Variants in CPS1 observed in about 807,000 individuals in gnomAD.
CPS1 encodes carbamoyl-phosphate synthase [ammonia], mitochondrial.
CPS1 carries 109 observed loss-of-function variants against 174.6 expected under a neutral mutation model. That is an observed-to-expected ratio of 0.62 (90% CI 0.53 to 0.73). The LOEUF is 0.73. Ranked by LOEUF, CPS1 falls within the 30% of genes least tolerant of loss-of-function variation. CPS1 has a pLI of 0.00. For synonymous variants in CPS1, 637 were observed against 632.0 expected (o/e 1.01, Z -0.12); for missense variants, 1,689 against 1,821.9 (o/e 0.93, Z 1.33).
At chr2:210,537,062 C>A (rs1293841096) in intron 1 of CPS1, among the ~76,000 whole-genome samples, 1 of 152,102 alleles carries the variant, frequency 6.6e-6, no homozygotes, top group Non-Finnish European at 1.5e-5. Context: ...ATACCAGATG[C>A]ATTTAAATAG....
At chr2:210,580,572 C>T (rs1351253179) in intron 5 of CPS1, among the ~76,000 whole-genome samples, 2 of 151,884 alleles carry the variant, frequency 1.3e-5, no homozygotes, top group Non-Finnish European at 2.9e-5. Context: ...TTTGAAACTA[C>T]ACATGTGGGC....
rs939029876 is a variant in CPS1, at chr2:210,518,717, A to AT, written c.4-37993dup. Among the ~76,000 whole-genome samples the AT allele has an allele frequency of 4.9e-3, 735 of 151,444 alleles. 3 individuals carry two copies. The highest frequency in any genetic ancestry group is 0.016 in the African/African-American group (681 of 41,312). ...GTTTCTAACTTATTAAGCTTCGGCT[A>AT]TTTTTTTTTCTGAACTAAATTCTCT... On this transcript the variant is annotated intron_variant, in intron 1 of 38. Coordinates refer to the CPS1 transcript ENST00000430249.
chr2:210,641,575 G>A (rs1486858675), intron 24 of CPS1, among the ~76,000 whole-genome samples: 1 of 152,192 alleles, frequency 6.6e-6, no homozygotes, highest in African/African-American at 2.4e-5. Flanking sequence ...GGCCATGGCA[G>A]TTATCTTATG....
At chr2:210,568,209 C>T (rs1343186293) in intron 1 of CPS1, among the ~76,000 whole-genome samples, 1 of 152,032 alleles carries the variant, frequency 6.6e-6, no homozygotes, top group Non-Finnish European at 1.5e-5. Flanking sequence ...TAGTACACAC[C>T]ATGGGTACTA....
intron 1 of CPS1, among the ~76,000 whole-genome samples, chr2:210,487,117 G>C (rs1037222996): frequency 6.6e-6 from 1 of 152,144 alleles, no homozygotes; most frequent in African/African-American, 2.4e-5. Context: ...TGGAAATGAA[G>C]TATAACTCAA....
rs149279523 is a variant in CPS1, at chr2:210,590,276, G to C, written c.840+42G>C. The C allele has an allele frequency of 6.6e-4, 1,066 of 1,611,446 alleles. 10 individuals carry two copies. The African/African-American group carries it at 0.013, about 19-fold the overall frequency. ...ATTCATGTGTATCTGTGTGGGAGGT[G>C]GGGGCTTCCGCTCTATACCCTCAAA... On this transcript the variant is annotated intron_variant, in intron 8 of 37. Coordinates refer to ENST00000233072, the MANE Select transcript of CPS1 (RefSeq NM_001875.5).
chr2:210,599,316 G>T, intron 13 of CPS1, 56 bp from the exon 14 acceptor site: 1 of 1,527,016 alleles, frequency 6.5e-7, no homozygotes, highest in East Asian at 2.3e-5. Context: ...TTTAAGTGTG[G>T]TCATTCTCTT....
chr2:210,481,651 G>T (rs1023954963), intron 1 of CPS1, among the ~76,000 whole-genome samples: 2 of 152,218 alleles, frequency 1.3e-5, no homozygotes, highest in African/African-American at 4.8e-5. Context: ...CACACAGCAG[G>T]TGCTCTTCAG....
At chr2:210,536,188 A>G (rs1391872916) in intron 1 of CPS1, among the ~76,000 whole-genome samples, 1 of 152,164 alleles carries the variant, frequency 6.6e-6, no homozygotes, top group Non-Finnish European at 1.5e-5. Flanking sequence ...GACTTTATGT[A>G]TACACAATTT....
At chr2:210,612,315 A>T (rs746548277) in intron 20 of CPS1, 22 bp downstream of exon 20, 7 of 1,610,896 alleles carry the variant, frequency 4.3e-6, no homozygotes, top group Non-Finnish European at 5.9e-6. Context: ...CAAGGGGCCC[A>T]CAGCTACTAG....
At chr2:210,643,811 A>T (rs927362539) in intron 25 of CPS1, among the ~76,000 whole-genome samples, 1 of 152,068 alleles carries the variant, frequency 6.6e-6, no homozygotes. Flanking sequence ...TCTCTCTGAC[A>T]TGGTTGTTTT....
chr2:210,545,209 A>G (rs541714093), intron 1 of CPS1, among the ~76,000 whole-genome samples: 1 of 152,164 alleles, frequency 6.6e-6, no homozygotes, highest in Non-Finnish European at 1.5e-5. Flanking sequence ...TCCTGTGTAT[A>G]AGCTCTAACG....
At chr2:210,549,517 A>T (rs1269566254) in intron 1 of CPS1, among the ~76,000 whole-genome samples, 1 of 152,062 alleles carries the variant, frequency 6.6e-6, no homozygotes, top group African/African-American at 2.4e-5. Context: ...TGTAATTGTT[A>T]GTTTCTTTAC....
intron 1 of CPS1, among the ~76,000 whole-genome samples, chr2:210,548,825 T>C (rs1696636211): frequency 6.6e-6 from 1 of 152,062 alleles, no homozygotes; most frequent in African/African-American, 2.4e-5. Context: ...GATCCATTCC[T>C]GGGGAATTGC....
rs774826735 is a variant in CPS1 at position 210,594,599 on chromosome 2, G to T, written c.1256G>T (p.Arg419Leu). 1 of 1,609,434 alleles carries T rather than the reference G, an allele frequency of 6.2e-7. No individual in the cohort carries two copies. Among genetic ancestry groups the T allele is most frequent in the Non-Finnish European group, 8.5e-7 (1 of 1,176,734 alleles). Residue 419 changes from arginine (R) to leucine (L), a missense_variant, in exon 12 of 38, where the codon CGG (arginine) becomes CTG (leucine). Transcript: ENST00000233072. Reference protein sequence around the residue: ...VLPKPALVASRVEVSKVLILG... With the variant: ...VLPKPALVASLVEVSKVLILG... ...CCGAAGCCAGCACTAGTTGCATCTC[G>T]GGTTGAGGTCAGTATGTGGGCTTAT...
At chr2:210,631,167 G>C (rs1699858196) in intron 21 of CPS1, 1 of 152,072 alleles carries the variant, frequency 6.6e-6, no homozygotes, top group East Asian at 1.9e-4. Context: ...TGGTGGATCA[G>C]ATGAAAGCCA....
chr2:210,568,248 C>T (rs1024547791), intron 1 of CPS1, among the ~76,000 whole-genome samples: 5 of 152,014 alleles, frequency 3.3e-5, no homozygotes, highest in East Asian at 1.9e-4. Flanking sequence ...TAAAAGGCAA[C>T]GAGGAAGACA....
chr2:210,676,900 C>T, intron 36 of CPS1, 107 bp from the exon 37 acceptor site: 3 of 1,030,112 alleles, frequency 2.9e-6, no homozygotes, highest in South Asian at 1.3e-5. Flanking sequence ...GCAGTCAACT[C>T]AGCATGGCAT....
chr2:210,611,232 C>T (rs1016043301), intron 19 of CPS1, among the ~76,000 whole-genome samples: 1 of 151,876 alleles, frequency 6.6e-6, no homozygotes, highest in Non-Finnish European at 1.5e-5. Context: ...GAATATGTAT[C>T]TTGTCACATA....
Sources: gnomAD v4.1 joint callset for allele counts (sites outside exome capture counted in the v4.1 genomes callset) on GRCh38, gnomAD v4.1.1 for gene constraint, MANE v1.5 for transcripts, NCBI Gene and HGNC (gene_info 2026-07-23, HGNC 2026-07-21) for gene names.